The following CDIN1 variants were observed in gnomAD, a reference collection of about 807,000 sequenced individuals.
The protein encoded by CDIN1 is CDAN1-interacting nuclease 1.
CDIN1 carries 33 observed loss-of-function variants against 45.3 expected under a neutral mutation model. The observed-to-expected ratio is 0.73, with a 90% CI of 0.55 to 0.97. CDIN1 has a LOEUF of 0.97. CDIN1 is among the 50% of genes least tolerant of loss of function. The pLI is 0.00. For synonymous variants in CDIN1, 118 were observed against 124.4 expected (o/e 0.95, Z 0.34); for missense variants, 303 against 339.4 (o/e 0.89, Z 0.84).
chr15:36,618,899 A>G (rs2039023323), intron 1 of CDIN1: 1 of 1,254,152 alleles, frequency 8.0e-7, no homozygotes, highest in East Asian at 2.3e-5. Flanking sequence ...ATGTAATCGT[A>G]ACATAAATGT....
chr15:36,776,023 C>T (rs529886887), intron 10 of CDIN1, among the ~76,000 whole-genome samples: 3 of 152,284 alleles, frequency 2.0e-5, no homozygotes, highest in African/African-American at 7.2e-5. Context: ...TCTTTTTATT[C>T]TCCCAAGTAT....
At chr15:36,780,089 A>C (rs2054312801) in intron 10 of CDIN1, among the ~76,000 whole-genome samples, 1 of 152,104 alleles carries the variant, frequency 6.6e-6, no homozygotes, top group Non-Finnish European at 1.5e-5. Flanking sequence ...TGTGCACTGA[A>C]GCACCCGTTG....
chr15:36,734,375 T>C (rs1029916499), intron 10 of CDIN1: 11 of 428,854 alleles, frequency 2.6e-5, no homozygotes, highest in Non-Finnish European at 3.7e-5. Context: ...CTTTATTCCT[T>C]CCCTAGTTAC....
chr15:36,624,588 C>T (rs555970301), intron 1 of CDIN1, among the ~76,000 whole-genome samples: 1 of 152,228 alleles, frequency 6.6e-6, no homozygotes, highest in South Asian at 2.1e-4. Flanking sequence ...GTTTGCTTGA[C>T]CTCCTGAGAG....
chr15:36,675,194 AT>A (rs1272553066), intron 5 of CDIN1, among the ~76,000 whole-genome samples: 26 of 152,080 alleles, frequency 1.7e-4, no homozygotes, highest in Non-Finnish European at 1.8e-4. Context: ...GACTATTAAC[AT>A]TTTTTTCTGC....
At chr15:36,595,735 T>A (rs1239387796) in intron 1 of CDIN1, among the ~76,000 whole-genome samples, 1 of 152,234 alleles carries the variant, frequency 6.6e-6, no homozygotes, top group Non-Finnish European at 1.5e-5. Context: ...AGGCCATCCA[T>A]CATTTGTTAG....
intron 10 of CDIN1, among the ~76,000 whole-genome samples, chr15:36,798,007 A>G (rs181266658): frequency 3.7e-5 from 5 of 135,876 alleles, no homozygotes; most frequent in Admixed American, 2.3e-4. Context: ...CCTTCATTAT[A>G]TAGTAGAGAG....
intron 1 of CDIN1, among the ~76,000 whole-genome samples, chr15:36,623,005 T>C (rs771537119): frequency 9.9e-5 from 15 of 152,204 alleles, no homozygotes; most frequent in African/African-American, 3.6e-4. Context: ...ACATTCAAAT[T>C]TGGGGAGAAT....
At chr15:36,643,902 T>A (rs947886438) in intron 1 of CDIN1, among the ~76,000 whole-genome samples, 2 of 152,250 alleles carry the variant, frequency 1.3e-5, no homozygotes, top group African/African-American at 2.4e-5. Context: ...ATGAATGAAG[T>A]GCATGTTCTC....
chr15:36,598,335 T>C (rs1381029312), intron 1 of CDIN1, among the ~76,000 whole-genome samples: 1 of 151,748 alleles, frequency 6.6e-6, no homozygotes, highest in Non-Finnish European at 1.5e-5. Flanking sequence ...TTCATTTCAC[T>C]TTTACTACAT....
intron 8 of CDIN1, among the ~76,000 whole-genome samples, chr15:36,700,025 A>G (rs1045673647): frequency 6.6e-6 from 1 of 152,128 alleles, no homozygotes; most frequent in Non-Finnish European, 1.5e-5. Flanking sequence ...ATAAGTTACT[A>G]AGTTGGATAC....
At chr15:36,674,921 G>A (rs1486914710) in intron 5 of CDIN1, among the ~76,000 whole-genome samples, 1 of 151,998 alleles carries the variant, frequency 6.6e-6, no homozygotes, top group Non-Finnish European at 1.5e-5. Flanking sequence ...ACCAATCTCC[G>A]AGAAAAATGA....
In CDIN1 at chr15:36,786,439, T is replaced by C. The variant is rs185372654; in HGVS notation, c.717-21885T>C. ...TTTGTTCACTGTGTGTATCGTGTAC[T>C]TCCCCTGAGTGGACACATCTCATTG... On this transcript the variant is annotated intron_variant, in intron 10 of 10. Transcript: ENST00000566621. Among the ~76,000 whole-genome samples the C allele has an allele frequency of 4.6e-5, 7 of 152,324 alleles. No individual in the cohort carries two copies. In the East Asian group the frequency reaches 1.2e-3, roughly 25 times the overall value.
chr15:36,789,879 T>C (rs546693193), intron 10 of CDIN1, among the ~76,000 whole-genome samples: 1 of 152,278 alleles, frequency 6.6e-6, no homozygotes, highest in East Asian at 1.9e-4. Flanking sequence ...CTAGAAACCA[T>C]TGAGTAATCT....
chr15:36,783,996 G>T (rs771730683), intron 10 of CDIN1, among the ~76,000 whole-genome samples: 8 of 152,092 alleles, frequency 5.3e-5, no homozygotes, highest in South Asian at 2.1e-4. Flanking sequence ...ATACTGACAG[G>T]GTTCATACAC....
chr15:36,713,431 C>A (rs2043123440), intron 10 of CDIN1, among the ~76,000 whole-genome samples: 2 of 152,142 alleles, frequency 1.3e-5, no homozygotes, highest in Non-Finnish European at 2.9e-5. Flanking sequence ...AGCTTCTTGG[C>A]TGGAACAAAT....
intron 10 of CDIN1, among the ~76,000 whole-genome samples, chr15:36,770,715 C>T (rs2054054284): frequency 6.6e-6 from 1 of 152,144 alleles, no homozygotes; most frequent in African/African-American, 2.4e-5. Context: ...TCCCAAAGTG[C>T]TGGGATTACA....
intron 4 of CDIN1, among the ~76,000 whole-genome samples, chr15:36,656,312 G>C (rs1196980129): frequency 2.0e-5 from 3 of 151,972 alleles, no homozygotes; most frequent in African/African-American, 4.8e-5. Flanking sequence ...TACATTACAG[G>C]GTGCAGCAAC....
At chr15:36,781,189 G>A (rs1305525436) in intron 10 of CDIN1, among the ~76,000 whole-genome samples, 2 of 152,184 alleles carry the variant, frequency 1.3e-5, no homozygotes, top group African/African-American at 4.8e-5. Context: ...TTACATGTAA[G>A]TTACAACTGG....
Sources: gnomAD v4.1 joint callset for allele counts (sites outside exome capture counted in the v4.1 genomes callset) on GRCh38, gnomAD v4.1.1 for gene constraint, MANE v1.5 for transcripts, NCBI Gene and HGNC (gene_info 2026-07-23, HGNC 2026-07-21) for gene names.